Variants in WDR41 observed in about 807,000 individuals in gnomAD.
WDR41 encodes the protein WD repeat-containing protein 41.
In WDR41, 63 loss-of-function variants were observed where a neutral mutation model predicts 69.3. The observed-to-expected ratio is 0.91, with a 90% CI of 0.74 to 1.12. The LOEUF is 1.12. Ranked by LOEUF, WDR41 falls within the 50% of genes most tolerant of loss-of-function variation. The pLI is 0.00. For synonymous variants in WDR41, 185 were observed against 192.1 expected (o/e 0.96, Z 0.31); for missense variants, 543 against 534.5 (o/e 1.02, Z -0.16).
intron 1 of WDR41, among the ~76,000 whole-genome samples, chr5:77,527,111 C>G (rs536365404): frequency 3.3e-5 from 5 of 151,840 alleles, no homozygotes; most frequent in Non-Finnish European, 5.9e-5. Flanking sequence ...TAGTAAAAGC[C>G]AAATTCCAAG....
At chr5:77,442,258 T>A (rs1799195341) in intron 8 of WDR41, among the ~76,000 whole-genome samples, 1 of 152,160 alleles carries the variant, frequency 6.6e-6, no homozygotes, top group Non-Finnish European at 1.5e-5. Flanking sequence ...TACACAATCT[T>A]AAAAATCTGA....
intron 1 of WDR41, among the ~76,000 whole-genome samples, chr5:77,501,800 T>C (rs1195768921): frequency 6.6e-6 from 1 of 151,966 alleles, no homozygotes; most frequent in Non-Finnish European, 1.5e-5. Flanking sequence ...GTCCTGACTG[T>C]TAGAATGAAA....
At chr5:77,542,778 C>T (rs976536119) in intron 1 of WDR41, among the ~76,000 whole-genome samples, 1 of 152,160 alleles carries the variant, frequency 6.6e-6, no homozygotes, top group Admixed American at 6.5e-5. Flanking sequence ...ATTTCAGCTC[C>T]AACTCGGATG....
chr5:77,599,927 CAT>C (rs1744293186), intron 1 of WDR41, among the ~76,000 whole-genome samples: 2 of 152,170 alleles, frequency 1.3e-5, no homozygotes, highest in Admixed American at 6.5e-5. Context: ...GGAAAGATAA[CAT>C]AGAAAAGAGC....
chr5:77,612,406 G>C (rs948032418), intron 1 of WDR41, among the ~76,000 whole-genome samples: 37 of 152,170 alleles, frequency 2.4e-4, no homozygotes, highest in African/African-American at 6.3e-4. Flanking sequence ...AAAATACTGG[G>C]AAACCAAATC....
chr5:77,611,220 C>A (rs1744542564), intron 1 of WDR41, among the ~76,000 whole-genome samples: 1 of 152,024 alleles, frequency 6.6e-6, no homozygotes, highest in African/African-American at 2.4e-5. Flanking sequence ...GACTTTAACA[C>A]CCCACTGTCA....
chr5:77,574,798 C>T (rs6453329), intron 1 of WDR41, among the ~76,000 whole-genome samples: 49,971 of 151,954 alleles, frequency 0.33, 9,469 homozygotes, highest in African/African-American at 0.5. Flanking sequence ...CCCATACAAC[C>T]CAACATTTCC....
chr5:77,460,602 T>G (rs893919012), intron 4 of WDR41, among the ~76,000 whole-genome samples: 15 of 152,018 alleles, frequency 9.9e-5, no homozygotes, highest in Non-Finnish European at 2.2e-4. Flanking sequence ...GTGTTTCTGA[T>G]TTTTTTTGGA....
At chr5:77,469,027 G>A (rs1800433039) in intron 2 of WDR41, among the ~76,000 whole-genome samples, 1 of 152,262 alleles carries the variant, frequency 6.6e-6, no homozygotes, top group Non-Finnish European at 1.5e-5. Context: ...TTAAGAAAAT[G>A]TGGCACATAT....
chr5:77,546,317 A>C, intron 1 of WDR41: 1 of 266,904 alleles, frequency 3.7e-6, no homozygotes, highest in East Asian at 7.1e-5. Flanking sequence ...AAAAAAAGAT[A>C]AATCAAACAA....
chr5:77,518,374 AC>A (rs1802323606), intron 1 of WDR41, among the ~76,000 whole-genome samples: 1 of 152,136 alleles, frequency 6.6e-6, no homozygotes, highest in Non-Finnish European at 1.5e-5. Flanking sequence ...AATATTTTGA[AC>A]CATTATTCCT....
At chr5:77,510,912 C>A (rs1802187797) in intron 1 of WDR41, among the ~76,000 whole-genome samples, 1 of 151,332 alleles carries the variant, frequency 6.6e-6, no homozygotes, top group Non-Finnish European at 1.5e-5. Flanking sequence ...GCTGGGATTA[C>A]AGGCACATAC....
intron 1 of WDR41, among the ~76,000 whole-genome samples, chr5:77,578,864 CAAAAA>C (rs55920763): frequency 2.6e-5 from 2 of 77,202 alleles, no homozygotes; most frequent in African/African-American, 4.7e-5. Context: ...AACTCCATCT[CAAAAA>C]AAAAAAAAAA....
At chr5:77,599,055 CTAA>C (rs1744278086) in intron 1 of WDR41, among the ~76,000 whole-genome samples, 2 of 151,100 alleles carry the variant, frequency 1.3e-5, no homozygotes, top group African/African-American at 2.4e-5. Flanking sequence ...CAAGCTACTA[CTAA>C]TATTTCTAAA....
intron 8 of WDR41, 38 bp from the exon 9 acceptor site, chr5:77,441,035 T>G: frequency 1.9e-6 from 3 of 1,603,418 alleles, no homozygotes; most frequent in South Asian, 1.1e-5. Flanking sequence ...ATCGATCATT[T>G]TATCTATGTA....
rs1356687965 is a variant in WDR41, at chr5:77,437,334, A to G, written c.1093+2T>C. ...ACTACCTTTTTGAGAGAAGACACAC[A>G]CCTGTTGGTACAGGCTCAGCTGCAA... On this transcript the variant is annotated splice_donor_variant, in intron 11 of 12. Coordinates refer to ENST00000296679, the MANE Select transcript of WDR41 (RefSeq NM_018268.4). LOFTEE classifies it high-confidence loss of function. 6.2e-7 allele frequency: 1 copy of G among 1,612,902 alleles called. No individual in the cohort carries two copies. Among genetic ancestry groups the G allele is most frequent in the Admixed American group, 1.7e-5 (1 of 60,020 alleles).
At chr5:77,511,247 G>T (rs1802192880) in intron 1 of WDR41, among the ~76,000 whole-genome samples, 1 of 151,976 alleles carries the variant, frequency 6.6e-6, no homozygotes, top group Admixed American at 6.6e-5. Flanking sequence ...CTCTCCAGTT[G>T]ACGTCTTTTC....
rs907518010 is a variant in WDR41, at chr5:77,491,947, G to A, written c.51+223C>T. 9.1e-6 allele frequency: 5 copies of A among 547,614 alleles called. No individual in the cohort carries two copies. The Admixed American group carries it at 1.0e-4, about 11-fold the overall frequency. The allele number at this position is 547,614 out of a possible 1,614,324, so 33.9% of individuals were successfully genotyped here. On this transcript the variant is annotated intron_variant, in intron 1 of 12. Transcript: ENST00000296679. ...AGCTAGCCGTGGGACGGGGCCGGGG[G>A]TCTGCAGCTCCAGGGTGCGCCTGGG...
At chr5:77,568,030 G>A (rs184535474) in intron 1 of WDR41, among the ~76,000 whole-genome samples, 1 of 152,050 alleles carries the variant, frequency 6.6e-6, no homozygotes, top group African/African-American at 2.4e-5. Context: ...GCTGAGTTGA[G>A]TCTATATCAG....
Sources: gnomAD v4.1 joint callset for allele counts (sites outside exome capture counted in the v4.1 genomes callset) on GRCh38, gnomAD v4.1.1 for gene constraint, MANE v1.5 for transcripts, NCBI Gene and HGNC (gene_info 2026-07-23, HGNC 2026-07-21) for gene names.